Variants in DDHD1 observed in about 807,000 individuals in gnomAD.
DDHD1 encodes the protein phospholipase DDHD1.
Under a neutral mutation model 96.4 loss-of-function variants are expected in DDHD1, and 49 were observed. That is an observed-to-expected ratio of 0.51 (90% confidence interval 0.40 to 0.64). DDHD1 has a LOEUF of 0.64. DDHD1 is among the 30% of genes least tolerant of loss of function. The probability of loss-of-function intolerance (pLI) is 0.00; values close to 1 mark genes in which losing one functional copy is unlikely to be tolerated. For synonymous variants in DDHD1, 442 were observed against 446.5 expected, an observed-to-expected ratio of 0.99 and a Z score of 0.13; for missense variants, 1,106 against 1,161.2, an observed-to-expected ratio of 0.95 and a Z score of 0.69.
intron 6 of DDHD1, among the ~76,000 whole-genome samples, chr14:53,066,473 C>T (rs1390948170): frequency 6.6e-6 from 1 of 152,002 alleles, no homozygotes. Context: ...TACAAAGGCT[C>T]AGAGAAGAAG....
intron 1 of DDHD1, among the ~76,000 whole-genome samples, chr14:53,110,724 C>A (rs1004351370): frequency 5.9e-5 from 9 of 152,082 alleles, no homozygotes; most frequent in Non-Finnish European, 1.2e-4. Context: ...ACCTGTAATC[C>A]CAGCACTTAA....
At chr14:53,136,121 G>A (rs755757296) in intron 1 of DDHD1, among the ~76,000 whole-genome samples, 21 of 152,084 alleles carry the variant, frequency 1.4e-4, no homozygotes, top group African/African-American at 3.1e-4. Context: ...CCTTGAGAAT[G>A]TACTTTATGA....
At chr14:53,089,153 T>G (rs1046349122) in intron 4 of DDHD1, among the ~76,000 whole-genome samples, 3 of 151,994 alleles carry the variant, frequency 2.0e-5, no homozygotes, top group Admixed American at 2.0e-4. Flanking sequence ...CCCTGCTCAA[T>G]GAAATAAAAG....
At chr14:53,066,659 AC>A (rs1884044534) in intron 6 of DDHD1, among the ~76,000 whole-genome samples, 1 of 152,090 alleles carries the variant, frequency 6.6e-6, no homozygotes, top group South Asian at 2.1e-4. Flanking sequence ...TACAGAATCA[AC>A]TTTTCTTTTT....
intron 1 of DDHD1, among the ~76,000 whole-genome samples, chr14:53,109,248 A>C (rs968843978): frequency 6.6e-6 from 1 of 152,222 alleles, no homozygotes; most frequent in East Asian, 1.9e-4. Context: ...GCTACTCTGA[A>C]GCTGCTGCTT....
chr14:53,090,256 A>G (rs559095082), intron 4 of DDHD1, among the ~76,000 whole-genome samples: 116 of 152,318 alleles, frequency 7.6e-4, no homozygotes, highest in African/African-American at 2.8e-3. Context: ...AGAAATAGGA[A>G]CACTTTTACA....
At position 53,094,439 on chromosome 14, in the gene DDHD1, C is replaced by T. The variant is rs571508627; in HGVS notation, c.1013-995G>A. Among the ~76,000 whole-genome samples, 5 of 152,246 alleles carry T rather than the reference C, an allele frequency of 3.3e-5. No individual in the cohort carries two copies. The East Asian group carries it at 5.8e-4, about 18-fold the overall frequency. On this transcript the variant is annotated intron_variant, in intron 2 of 12. Coordinates refer to ENST00000673822, the MANE Select transcript of DDHD1 (RefSeq NM_001160148.2). ...ATGGTTGGCTGGGTGCAGTCAGTCA[C>T]GTCTGTAATCCAGCACTCTGGGAGG...
At chr14:53,147,693 G>A (rs1891090823) in intron 1 of DDHD1, among the ~76,000 whole-genome samples, 1 of 152,172 alleles carries the variant, frequency 6.6e-6, no homozygotes, top group Admixed American at 6.5e-5. Flanking sequence ...CCTTGGTACT[G>A]TAAACCGAGC....
At chr14:53,103,204 T>G (rs539944336) in intron 2 of DDHD1, 5 of 620,852 alleles carry the variant, frequency 8.1e-6, no homozygotes, top group African/African-American at 1.9e-5. Flanking sequence ...AATAAAGAAA[T>G]GTAATGAGTA....
rs1487712006 is a variant in DDHD1 at position 53,044,288 on chromosome 14, T to C, written c.*2480A>G. On this transcript the variant is annotated 3_prime_UTR_variant, in exon 13 of 13. Coordinates refer to ENST00000673822, the MANE Select transcript of DDHD1 (RefSeq NM_001160148.2). ...ATATTGCTCTTTCCAAGAATTCAAA[T>C]AAACTCCAAATGGTTAAATTTGACT... The C allele has an allele frequency of 1.3e-5, 2 of 152,134 alleles. No individual in the cohort carries two copies. Among genetic ancestry groups the C allele is most frequent in the African/African-American group, 4.8e-5 (2 of 41,426 alleles). 9.4% of individuals were successfully genotyped at this position (152,134 alleles called of 1,614,324 possible). A position where few individuals can be genotyped will look rare whatever the true frequency, so the allele number is the denominator to read the frequency against.
chr14:53,084,143 T>G (rs1885726772), intron 4 of DDHD1, among the ~76,000 whole-genome samples: 1 of 152,118 alleles, frequency 6.6e-6, no homozygotes, highest in Admixed American at 6.5e-5. Context: ...TAGCTGGGAC[T>G]TTTGGAAAAA....
intron 1 of DDHD1, among the ~76,000 whole-genome samples, chr14:53,126,273 C>T (rs940453761): frequency 6.6e-6 from 1 of 152,032 alleles, no homozygotes; most frequent in Non-Finnish European, 1.5e-5. Context: ...TTATGATACA[C>T]AAAAATAGAA....
At position 53,054,636 on chromosome 14, in the gene DDHD1, T is replaced by C; in HGVS notation, c.2246-7A>G. ...TTTCCAATGCTAGCAGCCCCTGTAT[T>C]TCACAAAGCAGGGTAGTCATTCTGT... On this transcript the variant is annotated splice_region_variant and splice_polypyrimidine_tract_variant and intron_variant, in intron 10 of 12. Transcript: ENST00000673822. 6.2e-7 allele frequency: 1 copy of C among 1,612,702 alleles called. No homozygotes were observed. Among genetic ancestry groups the C allele is most frequent in the East Asian group, 2.2e-5 (1 of 44,876 alleles).
chr14:53,049,657 C>CAAAAAAAAAAAAAAAAAAAA (rs11323291), intron 12 of DDHD1, among the ~76,000 whole-genome samples: 1 of 84,720 alleles, frequency 1.2e-5, no homozygotes. Context: ...TGAGCTAGGT[C>CAAAAAAAAAAAAAAAAAAAA]AAAAAAAAAA....
chr14:53,119,619 TTCATCCCTGGG>T (rs1888827423), intron 1 of DDHD1, among the ~76,000 whole-genome samples: 1 of 152,222 alleles, frequency 6.6e-6, no homozygotes, highest in Non-Finnish European at 1.5e-5. Flanking sequence ...ACAAGTCAGC[TTCATCCCTGGG>T]ATGCAAGTCT....
rs1881717907 is a variant in DDHD1, at chr14:53,042,345, G to A, written c.*4423C>T. Reference sequence around the variant, plus strand: ...TTATTGAGAAAAGAATGGTCTCTATGCCCCTTCCAGCTTTAAAATTCCATC... The same window carrying A: ...TTATTGAGAAAAGAATGGTCTCTATACCCCTTCCAGCTTTAAAATTCCATC... On this transcript the variant is annotated 3_prime_UTR_variant, in exon 13 of 13. Coordinates refer to ENST00000673822, the MANE Select transcript of DDHD1 (RefSeq NM_001160148.2). 1 of 152,076 alleles carries A rather than the reference G, an allele frequency of 6.6e-6. No individual in the cohort carries two copies. The highest frequency in any genetic ancestry group is 2.4e-5 in the African/African-American group (1 of 41,414). The allele number at this position is 152,076 out of a possible 1,614,324, so 9.4% of individuals were successfully genotyped here. A position where few individuals can be genotyped will look rare whatever the true frequency, so the allele number is the denominator to read the frequency against.
chr14:53,136,215 C>T (rs1890234780), intron 1 of DDHD1, among the ~76,000 whole-genome samples: 1 of 152,182 alleles, frequency 6.6e-6, no homozygotes, highest in Non-Finnish European at 1.5e-5. Flanking sequence ...ATCCACCACC[C>T]TTTGCTGACT....
intron 2 of DDHD1, among the ~76,000 whole-genome samples, chr14:53,096,407 G>A (rs567836979): frequency 3.0e-4 from 46 of 152,018 alleles, no homozygotes; most frequent in Middle Eastern, 3.4e-3. Flanking sequence ...AATAGCTGCT[G>A]TTACTGAAAG....
chr14:53,125,904 T>C (rs995941175), intron 1 of DDHD1, among the ~76,000 whole-genome samples: 2 of 152,186 alleles, frequency 1.3e-5, no homozygotes, highest in Non-Finnish European at 2.9e-5. Context: ...GGTTTCACCA[T>C]GTTGACCAGG....
Sources: allele counts gnomAD v4.1 joint callset (sites outside exome capture counted in the v4.1 genomes callset), GRCh38; gene constraint gnomAD v4.1.1; transcripts MANE v1.5; gene names NCBI Gene and HGNC (gene_info 2026-07-23, HGNC 2026-07-21).